The following SCNN1B variants were observed in gnomAD, a reference collection of about 807,000 sequenced individuals.
SCNN1B encodes the protein sodium channel epithelial 1 subunit beta.
A neutral mutation model predicts 65.3 loss-of-function variants in SCNN1B; 46 were observed. That is an observed-to-expected ratio of 0.70 (90% CI 0.56 to 0.90). The LOEUF (loss-of-function observed/expected upper bound fraction) is 0.90, where lower values mean the gene tolerates loss of function less well. Ranked by LOEUF, SCNN1B falls within the 40% of genes least tolerant of loss-of-function variation. SCNN1B has a pLI of 0.00. For missense variants in SCNN1B, 751 were observed against 830.5 expected, an observed-to-expected ratio of 0.90 and a Z score of 1.18; for synonymous variants, 349 against 330.6, an observed-to-expected ratio of 1.06 and a Z score of -0.60.
chr16:23,330,471 A>G (rs1961788785), intron 1 of SCNN1B, among the ~76,000 whole-genome samples: 1 of 152,198 alleles, frequency 6.6e-6, no homozygotes, highest in South Asian at 2.1e-4. Flanking sequence ...CATTTCCCCC[A>G]GCGCCTTGCT....
Position 23,378,785 on chromosome 16 carries a change from C to CG in SCNN1B, c.1466+22dup, listed in dbSNP as rs756148335. 9.3e-6 allele frequency: 15 copies of CG among 1,613,078 alleles called. No homozygotes were observed. In the African/African-American group the frequency reaches 1.9e-4, roughly 20 times the overall value. ...CTGAGCAGGTGAGCCTGAGCCTGGG[C>CG]GGGGCTGGGGAAGACAGGGAAGGGG... On this transcript the variant is annotated intron_variant, in intron 11 of 12. Coordinates refer to ENST00000343070, the MANE Select transcript of SCNN1B (RefSeq NM_000336.3).
At chr16:23,317,750 G>A (rs1961502819) in intron 1 of SCNN1B, among the ~76,000 whole-genome samples, 1 of 152,194 alleles carries the variant, frequency 6.6e-6, no homozygotes, top group Non-Finnish European at 1.5e-5. Flanking sequence ...CAGTAAAGGT[G>A]AGCACCGAAG....
At chr16:23,354,672 G>C (rs1263661467) in intron 3 of SCNN1B, among the ~76,000 whole-genome samples, 2 of 152,222 alleles carry the variant, frequency 1.3e-5, no homozygotes, top group Non-Finnish European at 2.9e-5. Flanking sequence ...GCATCTGGAA[G>C]TCTCTGGCAG....
At chr16:23,335,263 C>A (rs910249842) in intron 1 of SCNN1B, among the ~76,000 whole-genome samples, 4 of 152,206 alleles carry the variant, frequency 2.6e-5, no homozygotes, top group African/African-American at 9.6e-5. Flanking sequence ...GTTCCCCCAG[C>A]CACTCAGTTC....
intron 11 of SCNN1B, among the ~76,000 whole-genome samples, chr16:23,379,223 C>A (rs1266371076): frequency 6.6e-6 from 1 of 151,054 alleles, no homozygotes; most frequent in African/African-American, 2.5e-5. Context: ...ATTCTCCCAC[C>A]CACGCACCCA....
At chr16:23,345,007 GAA>G (rs1274346754) in intron 1 of SCNN1B, among the ~76,000 whole-genome samples, 1 of 145,510 alleles carries the variant, frequency 6.9e-6, no homozygotes, top group Non-Finnish European at 1.5e-5. Context: ...AGAGGAGAGA[GAA>G]AGAGAGAGAG....
chr16:23,371,750 C>T, intron 6 of SCNN1B, 26 bp from the exon 7 acceptor site: 1 of 1,579,546 alleles, frequency 6.3e-7, no homozygotes, highest in Non-Finnish European at 8.7e-7. Context: ...ACCAGTGTCC[C>T]CCTCAAGCAA....
intron 2 of SCNN1B, among the ~76,000 whole-genome samples, chr16:23,290,132 C>T (rs1052588374): frequency 2.9e-4 from 44 of 152,086 alleles, no homozygotes; most frequent in African/African-American, 8.4e-4. Flanking sequence ...AAAATGAGGC[C>T]GATAGTCTCT....
chr16:23,283,990 C>T (rs888846902), intron 2 of SCNN1B, among the ~76,000 whole-genome samples: 1 of 152,216 alleles, frequency 6.6e-6, no homozygotes, highest in African/African-American at 2.4e-5. Flanking sequence ...CGAAGGACCG[C>T]CCTGGCTCCT....
chr16:23,347,560 C>T (rs1005201351), intron 1 of SCNN1B, among the ~76,000 whole-genome samples: 4 of 152,134 alleles, frequency 2.6e-5, no homozygotes, highest in African/African-American at 9.7e-5. Flanking sequence ...TAAGTAAAGA[C>T]CAAAATGCTT....
At chr16:23,312,694 G>A (rs1596824472) in intron 1 of SCNN1B, among the ~76,000 whole-genome samples, 1 of 152,242 alleles carries the variant, frequency 6.6e-6, no homozygotes, top group African/African-American at 2.4e-5. Context: ...AGTGGAGAGA[G>A]GGCAAATGTC....
chr16:23,320,752 C>T (rs1454090084), intron 1 of SCNN1B, among the ~76,000 whole-genome samples: 4 of 152,210 alleles, frequency 2.6e-5, no homozygotes, highest in South Asian at 2.1e-4. Context: ...GGTATGAAGT[C>T]GTGGGTAGGC....
intron 2 of SCNN1B, among the ~76,000 whole-genome samples, chr16:23,285,639 C>T (rs559818114): frequency 1.3e-5 from 2 of 149,150 alleles, no homozygotes; most frequent in Admixed American, 1.3e-4. Context: ...TTTTAATTAG[C>T]AAGAGTAAAA....
chr16:23,360,940 A>C (rs1218268577), intron 4 of SCNN1B, among the ~76,000 whole-genome samples: 1 of 152,044 alleles, frequency 6.6e-6, no homozygotes, highest in Non-Finnish European at 1.5e-5. Flanking sequence ...GACTACAGGC[A>C]GCCGCCACCA....
chr16:23,343,571 G>GAA (rs1464397720), intron 1 of SCNN1B, among the ~76,000 whole-genome samples: 2 of 123,398 alleles, frequency 1.6e-5, no homozygotes, highest in African/African-American at 3.1e-5. Context: ...AAAAAAGAAA[G>GAA]AAAGAAAAAG....
intron 1 of SCNN1B, among the ~76,000 whole-genome samples, chr16:23,281,709 A>T (rs1960787145): frequency 6.6e-6 from 1 of 152,248 alleles, no homozygotes; most frequent in Admixed American, 6.5e-5. Context: ...CATCCAAAAC[A>T]CAAGACTTGA....
intron 4 of SCNN1B, chr16:23,359,241 C>T (rs1962484294): frequency 6.6e-6 from 1 of 152,172 alleles, no homozygotes; most frequent in Non-Finnish European, 1.5e-5. Flanking sequence ...TTTATAGTTG[C>T]TGTAACCTGC....
At chr16:23,288,391 C>T (rs1163918763) in intron 2 of SCNN1B, among the ~76,000 whole-genome samples, 1 of 152,086 alleles carries the variant, frequency 6.6e-6, no homozygotes, top group Non-Finnish European at 1.5e-5. Context: ...AGCAAATTAC[C>T]ACACTTAGTG....
Position 23,373,175 on chromosome 16 carries a change from G to A in SCNN1B, c.1152+1292G>A, listed in dbSNP as rs564394846. Among the ~76,000 whole-genome samples the A allele has an allele frequency of 3.3e-5, 5 of 152,304 alleles. No individual in the cohort carries two copies. In the East Asian group the frequency reaches 5.8e-4, roughly 18 times the overall value. On this transcript the variant is annotated intron_variant, in intron 7 of 12. Transcript: ENST00000343070. ...GCTCTGTTACCCAGGCTGAAGTGCT[G>A]TGGTGCCATCATAGTTCACTGCAGC...
Sources: allele counts gnomAD v4.1 joint callset (sites outside exome capture counted in the v4.1 genomes callset), GRCh38; gene constraint gnomAD v4.1.1; transcripts MANE v1.5; gene names NCBI Gene and HGNC (gene_info 2026-07-23, HGNC 2026-07-21).